The following UBE2R2 variants were observed in gnomAD, a reference collection of about 807,000 sequenced individuals.
The protein encoded by UBE2R2 is ubiquitin-conjugating enzyme E2 R2.
UBE2R2 carries 1 observed loss-of-function variant against 27.8 expected under a neutral mutation model. The ratio of observed to expected loss-of-function variants is 0.04; its 90% CI spans 0.01 to 0.17. The LOEUF (loss-of-function observed/expected upper bound fraction) is 0.17. Among genes scored for constraint, UBE2R2 ranks in the 10% least tolerant of loss-of-function variants. UBE2R2 has a pLI of 1.00. For synonymous variants in UBE2R2, 106 were observed against 113.3 expected (o/e 0.94, Z 0.41); for missense variants, 100 against 291.0 (o/e 0.34, Z 4.78).
chr9:33,817,989 C>T (rs1410345085), intron 1 of UBE2R2, 55 bp downstream of exon 1: 4 of 1,574,444 alleles, frequency 2.5e-6, no homozygotes, highest in African/African-American at 1.4e-5. Context: ...TCCGGCTCCC[C>T]GCCGCTTTCT....
intron 4 of UBE2R2, among the ~76,000 whole-genome samples, chr9:33,912,385 G>A (rs999383170): frequency 5.9e-5 from 9 of 152,148 alleles, no homozygotes; most frequent in Non-Finnish European, 1.3e-4. Flanking sequence ...AGCACTTTGG[G>A]AGGCTGAGGC....
chr9:33,820,283 T>C (rs543373920), intron 1 of UBE2R2, among the ~76,000 whole-genome samples: 1 of 152,368 alleles, frequency 6.6e-6, no homozygotes, highest in South Asian at 2.1e-4. Flanking sequence ...CTTCAGTCCT[T>C]GTTTAAAAGA....
chr9:33,890,758 T>C (rs57539998), intron 2 of UBE2R2, among the ~76,000 whole-genome samples: 1 of 152,092 alleles, frequency 6.6e-6, no homozygotes, highest in Non-Finnish European at 1.5e-5. Context: ...TGCAGTGAGC[T>C]GAGATCATGC....
intron 3 of UBE2R2, among the ~76,000 whole-genome samples, chr9:33,906,359 T>C (rs1277182330): frequency 6.6e-6 from 1 of 152,156 alleles, no homozygotes; most frequent in Non-Finnish European, 1.5e-5. Flanking sequence ...CAACCTCAGG[T>C]GATCCGCCCA....
At chr9:33,891,114 A>G (rs1485183707) in intron 2 of UBE2R2, among the ~76,000 whole-genome samples, 3 of 146,052 alleles carry the variant, frequency 2.1e-5, no homozygotes, top group African/African-American at 7.6e-5. Context: ...CAATGGTGCA[A>G]TCTTGGCTCA....
At chr9:33,877,987 C>T (rs1293817887) in intron 1 of UBE2R2, among the ~76,000 whole-genome samples, 1 of 151,810 alleles carries the variant, frequency 6.6e-6, no homozygotes, top group Non-Finnish European at 1.5e-5. Context: ...GAACTCATGA[C>T]CTCAGGTGAT....
At chr9:33,863,188 CAA>C (rs544206798) in intron 1 of UBE2R2, among the ~76,000 whole-genome samples, 30 of 105,956 alleles carry the variant, frequency 2.8e-4, no homozygotes, top group Admixed American at 3.1e-4. Context: ...GAGACTCCCT[CAA>C]AAAAAAAAAA....
chr9:33,886,963 A>G lies in UBE2R2; in HGVS notation c.260A>G (p.Tyr87Cys), dbSNP rs752304792. 1 of 1,598,550 alleles carries G rather than the reference A, an allele frequency of 6.3e-7. No individual in the cohort carries two copies. The highest frequency in any genetic ancestry group is 8.5e-7 in the Non-Finnish European group (1 of 1,176,002). Reference protein sequence around the residue: ...FLTKMWHPNIYENGDVCISIL... With the variant: ...FLTKMWHPNICENGDVCISIL... The stretch of plus-strand genomic sequence containing the variant: ...ACCAAAATGTGGCACCCCAACATTT[A>G]TGAGGTAAGGAGACATCCATCATAA... The change falls in exon 2 of 5, where the codon TAT (tyrosine) becomes TGT (cysteine). Residue 87 changes from tyrosine (Y) to cysteine (C), a missense_variant. Transcript: ENST00000263228.
chr9:33,919,849 C>CTAAT lies in UBE2R2; in HGVS notation c.*2614_*2617dup, dbSNP rs1822763247. The CTAAT allele has an allele frequency of 6.6e-6, 1 of 151,918 alleles. No individual in the cohort carries two copies. Among genetic ancestry groups the CTAAT allele is most frequent in the African/African-American group, 2.4e-5 (1 of 41,352 alleles). The allele number at this position is 151,918 out of a possible 1,614,324, so 9.4% of individuals were successfully genotyped here. A position where few individuals can be genotyped will look rare whatever the true frequency, so the allele number is the denominator to read the frequency against. ...CTGCATTTTTAGATTCCTTTTAGTT[C>CTAAT]TAATTGAGGCCTCACTAGATGCTCT... On this transcript the variant is annotated 3_prime_UTR_variant, in exon 5 of 5. Transcript: ENST00000263228.
chr9:33,824,562 C>A (rs1300132737), intron 1 of UBE2R2, among the ~76,000 whole-genome samples: 1 of 151,680 alleles, frequency 6.6e-6, no homozygotes, highest in Non-Finnish European at 1.5e-5. Flanking sequence ...TGGCGTGAAC[C>A]CGGGAGGCGG....
chr9:33,864,726 T>A (rs1821321611), intron 1 of UBE2R2, among the ~76,000 whole-genome samples: 1 of 150,508 alleles, frequency 6.6e-6, no homozygotes, highest in African/African-American at 2.4e-5. Context: ...TTTTAATTTT[T>A]TTTTTTTTTT....
intron 1 of UBE2R2, among the ~76,000 whole-genome samples, chr9:33,838,625 G>T (rs1444268536): frequency 1.3e-5 from 2 of 151,906 alleles, no homozygotes; most frequent in Non-Finnish European, 2.9e-5. Context: ...GTGGATTATG[G>T]ATTCTTAATT....
intron 1 of UBE2R2, among the ~76,000 whole-genome samples, chr9:33,843,602 C>G (rs1283514137): frequency 6.7e-6 from 1 of 150,052 alleles, no homozygotes; most frequent in Non-Finnish European, 1.5e-5. Context: ...CCTCAGCCCC[C>G]CTAGTAGCTG....
intron 1 of UBE2R2, among the ~76,000 whole-genome samples, chr9:33,884,874 A>G (rs73645563): frequency 5.8e-4 from 88 of 152,220 alleles, no homozygotes; most frequent in African/African-American, 2.0e-3. Flanking sequence ...CAGGAATCCA[A>G]TTCTCCTCTT....
chr9:33,839,827 C>T (rs1461820266), intron 1 of UBE2R2, among the ~76,000 whole-genome samples: 1 of 151,988 alleles, frequency 6.6e-6, no homozygotes, highest in Non-Finnish European at 1.5e-5. Context: ...AAGATTCTGT[C>T]TCTACAAAAA....
chr9:33,849,279 C>T (rs903597520), intron 1 of UBE2R2, among the ~76,000 whole-genome samples: 4 of 151,884 alleles, frequency 2.6e-5, no homozygotes, highest in African/African-American at 9.7e-5. Flanking sequence ...TAAATAAACT[C>T]CTGTTTATTG....
intron 1 of UBE2R2, among the ~76,000 whole-genome samples, chr9:33,834,224 A>G (rs1266452503): frequency 1.4e-5 from 2 of 144,606 alleles, no homozygotes; most frequent in African/African-American, 5.2e-5. Context: ...TTTTGGAGAC[A>G]GAGTCTCGCT....
intron 1 of UBE2R2, among the ~76,000 whole-genome samples, chr9:33,870,608 G>A (rs1000989355): frequency 1.3e-5 from 2 of 152,126 alleles, no homozygotes; most frequent in African/African-American, 4.8e-5. Context: ...AGAACCCCAG[G>A]AAATAAAGTG....
intron 2 of UBE2R2, among the ~76,000 whole-genome samples, chr9:33,894,612 G>T (rs536849562): frequency 8.5e-5 from 13 of 152,106 alleles, no homozygotes; most frequent in African/African-American, 2.4e-4. Flanking sequence ...AAAATTTTGG[G>T]GGGGGCCACA....
Sources: allele counts gnomAD v4.1 joint callset (sites outside exome capture counted in the v4.1 genomes callset), GRCh38; gene constraint gnomAD v4.1.1; transcripts MANE v1.5; gene names NCBI Gene and HGNC (gene_info 2026-07-23, HGNC 2026-07-21).